The following CABIN1 variants were observed in gnomAD, a reference collection of about 807,000 sequenced individuals.
CABIN1 encodes the protein calcineurin binding protein 1, also known as calcineurin-binding protein cabin-1.
CABIN1 carries 133 observed loss-of-function variants against 227.7 expected under a neutral mutation model. That is an observed-to-expected ratio of 0.58 (90% CI 0.51 to 0.67). CABIN1 has a LOEUF of 0.67. Ranked by LOEUF, CABIN1 falls within the 30% of genes least tolerant of loss-of-function variation. CABIN1 has a pLI of 0.00. For missense variants in CABIN1, 2,408 were observed against 2,852.5 expected, an observed-to-expected ratio of 0.84 and a Z score of 3.55; for synonymous variants, 1,086 against 1,155.1, an observed-to-expected ratio of 0.94 and a Z score of 1.21.
intron 22 of CABIN1, among the ~76,000 whole-genome samples, chr22:24,086,851 G>A (rs1325553399): frequency 6.6e-6 from 1 of 152,164 alleles, no homozygotes; most frequent in African/African-American, 2.4e-5. Context: ...TTTTACTGCT[G>A]AGAACTGAGC....
intron 5 of CABIN1, among the ~76,000 whole-genome samples, chr22:24,042,176 G>A (rs1192204780): frequency 1.3e-5 from 2 of 152,122 alleles, no homozygotes; most frequent in African/African-American, 2.4e-5. Context: ...GGCTGCTCTC[G>A]AACTCTTGGA....
At chr22:24,124,128 C>T (rs1380012399) in intron 28 of CABIN1, among the ~76,000 whole-genome samples, 1 of 152,216 alleles carries the variant, frequency 6.6e-6, no homozygotes, top group East Asian at 1.9e-4. Flanking sequence ...TTCAGATCCT[C>T]GCTCCGCATG....
Position 24,043,039 on chromosome 22 carries a change from T to C in CABIN1, c.481T>C (p.Leu161=), listed in dbSNP as rs777076011. The change falls in exon 6 of 37, where the codon TTG becomes CTG. Residue 161 remains leucine, a synonymous_variant. Transcript: ENST00000263119. ...LRCNPDHWPC[L]DNLITVLYTL... ...GTGCAATCCTGACCACTGGCCCTGT[T>C]TGGATAACCTAATCACTGTCCTGTA... The C allele has an allele frequency of 1.2e-5, 19 of 1,613,882 alleles. No individual in the cohort carries two copies. The South Asian group carries it at 2.1e-4, about 18-fold the overall frequency.
At chr22:24,143,272 C>T (rs769562444) in intron 29 of CABIN1, among the ~76,000 whole-genome samples, 5 of 152,126 alleles carry the variant, frequency 3.3e-5, no homozygotes, top group Non-Finnish European at 7.4e-5. Flanking sequence ...TCTGAATGGC[C>T]CATTGGCTGG....
chr22:24,117,182 C>G (rs950846007), intron 27 of CABIN1, among the ~76,000 whole-genome samples: 2 of 152,134 alleles, frequency 1.3e-5, no homozygotes, highest in African/African-American at 4.8e-5. Flanking sequence ...GCCACCCAGA[C>G]CCCTAGGCAA....
At chr22:24,100,219 A>G (rs1293610335) in intron 26 of CABIN1, among the ~76,000 whole-genome samples, 1 of 152,266 alleles carries the variant, frequency 6.6e-6, no homozygotes, top group African/African-American at 2.4e-5. Flanking sequence ...ATCTTTGCCC[A>G]GTCCCAGCCC....
Position 24,178,178 on chromosome 22 carries a change from C to T in CABIN1, c.6645C>T (p.Asp2215=), listed in dbSNP as rs746583397. ...TGGAGAGCGAGACAGACGAGGACGA[C>T]GACTACATGGACATTTGAGGGGCCA... ...SSLESETDED[D]DYMDI is the part of the protein sequence containing the mutation. Residue 2215 remains aspartate, a synonymous_variant, in exon 37 of 37, where the codon GAC becomes GAT. Coordinates refer to ENST00000263119, the MANE Select transcript of CABIN1 (RefSeq NM_012295.4). 5.4e-5 allele frequency: 87 copies of T among 1,613,226 alleles called. No homozygotes were observed. The highest frequency in any genetic ancestry group is 5.0e-4 in the Admixed American group (30 of 60,002).
intron 29 of CABIN1, among the ~76,000 whole-genome samples, chr22:24,157,160 G>A (rs967943426): frequency 6.6e-6 from 1 of 152,112 alleles, no homozygotes; most frequent in Admixed American, 6.5e-5. Flanking sequence ...ATAGGTTTGT[G>A]GTAGAAGCTG....
chr22:24,169,371 G>A (rs2046653043), intron 33 of CABIN1, among the ~76,000 whole-genome samples: 1 of 152,146 alleles, frequency 6.6e-6, no homozygotes, highest in Non-Finnish European at 1.5e-5. Flanking sequence ...GCAGAGGGCT[G>A]GTAGCTGCCT....
intron 19 of CABIN1, among the ~76,000 whole-genome samples, chr22:24,079,541 C>T (rs886271323): frequency 1.3e-5 from 2 of 152,174 alleles, no homozygotes; most frequent in African/African-American, 4.8e-5. Context: ...AATTCCTGCA[C>T]ATCTGTGTCA....
chr22:24,049,027 A>G (rs186654248), intron 6 of CABIN1, 64 bp from the exon 7 acceptor site: 1 of 1,598,208 alleles, frequency 6.3e-7, no homozygotes, highest in East Asian at 2.4e-5. Context: ...CCTGATGTTA[A>G]CTGGCAAGGC....
chr22:24,047,637 G>A (rs2147233692), intron 6 of CABIN1, among the ~76,000 whole-genome samples: 1 of 152,370 alleles, frequency 6.6e-6, no homozygotes, highest in East Asian at 1.9e-4. Flanking sequence ...GGGGCGTGTG[G>A]CCCTGCTGAG....
chr22:24,142,227 G>T (rs927014052), intron 29 of CABIN1, among the ~76,000 whole-genome samples: 3 of 152,054 alleles, frequency 2.0e-5, no homozygotes, highest in African/African-American at 7.2e-5. Context: ...AGTCCAGAAG[G>T]AGGCTGTTGG....
intron 23 of CABIN1, 23 bp from the exon 24 acceptor site, chr22:24,091,560 C>G (rs201944025): frequency 1.2e-6 from 2 of 1,614,054 alleles, no homozygotes; most frequent in Non-Finnish European, 1.7e-6. Flanking sequence ...TAAGGCCAGC[C>G]CAGTCTCATG....
rs1432789973 is a variant in CABIN1, at chr22:24,109,196, T to C, written c.4118-4370T>C. ...ATCTTCCAGAGTCCAGGCTTTCAAC[T>C]TTTTTGAAACAACTTTATATTTTGC... On this transcript the variant is annotated intron_variant, in intron 26 of 36. Transcript: ENST00000263119. Among the ~76,000 whole-genome samples the C allele has an allele frequency of 5.3e-5, 8 of 152,066 alleles. No homozygotes were observed. The East Asian group carries it at 1.4e-3, about 26-fold the overall frequency.
At chr22:24,076,038 G>T (rs2040416196) in intron 18 of CABIN1, 131 bp from the exon 19 acceptor site, 1 of 658,392 alleles carries the variant, frequency 1.5e-6, no homozygotes, top group Non-Finnish European at 2.7e-6. Context: ...AAAAAAAAAG[G>T]GAAAGGAAAA....
intron 7 of CABIN1, among the ~76,000 whole-genome samples, chr22:24,050,212 T>C (rs2038217921): frequency 6.6e-6 from 1 of 152,310 alleles, no homozygotes; most frequent in East Asian, 1.9e-4. Flanking sequence ...TGAGGGAACA[T>C]CTGTCATGAG....
intron 5 of CABIN1, among the ~76,000 whole-genome samples, chr22:24,042,005 G>A (rs1237676609): frequency 1.3e-5 from 2 of 152,208 alleles, no homozygotes; most frequent in Admixed American, 6.5e-5. Context: ...ATGCTGGAGT[G>A]CAGTGGCACA....
At chr22:24,048,052 C>T (rs942986383) in intron 6 of CABIN1, among the ~76,000 whole-genome samples, 1 of 152,192 alleles carries the variant, frequency 6.6e-6, no homozygotes, top group African/African-American at 2.4e-5. Flanking sequence ...GTCTCCATTC[C>T]TGGAGGAGCT....
Sources: gnomAD v4.1 joint callset for allele counts (sites outside exome capture counted in the v4.1 genomes callset) on GRCh38, gnomAD v4.1.1 for gene constraint, MANE v1.5 for transcripts, NCBI Gene and HGNC (gene_info 2026-07-23, HGNC 2026-07-21) for gene names.